RNF169: variants seen among roughly 807,000 people sequenced by gnomAD.
RNF169 encodes the protein E3 ubiquitin-protein ligase RNF169.
A neutral mutation model predicts 53.9 loss-of-function variants in RNF169; 24 were observed. The observed-to-expected ratio is 0.45, with a 90% confidence interval of 0.32 to 0.63. The LOEUF is 0.63. Ranked by LOEUF, RNF169 falls within the 20% of genes least tolerant of loss-of-function variation. RNF169 has a pLI of 0.04. For synonymous variants in RNF169, 396 were observed against 363.5 expected, an observed-to-expected ratio of 1.09 and a Z score of -1.02; for missense variants, 883 against 906.2, an observed-to-expected ratio of 0.97 and a Z score of 0.33.
At chr11:74,765,262 CAT>C (rs1195573674) in intron 1 of RNF169, among the ~76,000 whole-genome samples, 1 of 152,176 alleles carries the variant, frequency 6.6e-6, no homozygotes, top group Non-Finnish European at 1.5e-5. Flanking sequence ...GATCTCTACA[CAT>C]ATGTAGAACC....
chr11:74,788,525 T>TG (rs1157212155), intron 1 of RNF169, among the ~76,000 whole-genome samples: 2 of 152,150 alleles, frequency 1.3e-5, no homozygotes, highest in Admixed American at 6.5e-5. Context: ...CTCGGGTAGC[T>TG]GGGATTACAG....
intron 2 of RNF169, among the ~76,000 whole-genome samples, chr11:74,807,465 C>G (rs974813324): frequency 2.0e-5 from 3 of 152,192 alleles, no homozygotes; most frequent in Admixed American, 6.5e-5. Context: ...CATAAACCTT[C>G]TCAGACTGCC....
chr11:74,749,336 G>C lies in RNF169; in HGVS notation c.456G>C (p.Ala152=), dbSNP rs1292354053. ...GCCGGGACGGGGGCGCGGCTGCCGC[G>C]GGGCCCAGGCCAGAGCAGGAGCCGC... The part of the protein sequence containing the change: ...RPRRDGGAAA[A]GPRPEQEPRA... The change falls in exon 1 of 6, where the codon GCG becomes GCC. Residue 152 remains alanine (A), a synonymous_variant. Coordinates refer to ENST00000299563, the MANE Select transcript of RNF169 (RefSeq NM_001098638.2). 2 of 1,214,066 alleles carry C rather than the reference G, an allele frequency of 1.6e-6. No individual in the cohort carries two copies. Among genetic ancestry groups the C allele is most frequent in the East Asian group, 3.3e-5 (1 of 30,272 alleles). The allele number at this position is 1,214,066 out of a possible 1,614,324, so 75.2% of individuals were successfully genotyped here.
intron 1 of RNF169, among the ~76,000 whole-genome samples, chr11:74,757,808 G>T (rs1343224908): frequency 1.6e-5 from 1 of 64,050 alleles, no homozygotes; most frequent in Non-Finnish European, 2.7e-5. Flanking sequence ...TTTGAGAAGT[G>T]TCTGTTCATA....
Position 74,838,219 on chromosome 11 carries a change from A to C in RNF169, c.*1489A>C, listed in dbSNP as rs1357342293. The C allele has an allele frequency of 6.6e-6, 1 of 152,218 alleles. No homozygotes were observed. 9.4% of individuals were successfully genotyped at this position (152,218 alleles called of 1,614,324 possible). ...CCTCCTAAGGTCCTCCTCAGCTTCT[A>C]GACCTAGAAGCCAAAGTCCAGAACA... On this transcript the variant is annotated 3_prime_UTR_variant, in exon 6 of 6. Coordinates refer to ENST00000299563, the MANE Select transcript of RNF169 (RefSeq NM_001098638.2).
rs1360721433 is a variant in RNF169 at position 74,839,656 on chromosome 11, G to A, written c.*2926G>A. Reference sequence around the variant, plus strand: ...TTTATTATTAAAGGGGAAGTTAGGGGGGAGGGTGAAGGTCAGTCTGAGGGG... The same window carrying A: ...TTTATTATTAAAGGGGAAGTTAGGGAGGAGGGTGAAGGTCAGTCTGAGGGG... On this transcript the variant is annotated 3_prime_UTR_variant, in exon 6 of 6. Transcript: ENST00000299563. The A allele has an allele frequency of 1.3e-5, 2 of 152,184 alleles. No individual in the cohort carries two copies. The highest frequency in any genetic ancestry group is 4.8e-5 in the African/African-American group (2 of 41,432). 9.4% of individuals were successfully genotyped at this position (152,184 alleles called of 1,614,324 possible).
rs1315854009 is a variant in RNF169, at chr11:74,834,771, C to T, written c.938C>T (p.Ala313Val). 6.2e-7 allele frequency: 1 copy of T among 1,612,186 alleles called. No individual in the cohort carries two copies. Among genetic ancestry groups the T allele is most frequent in the Non-Finnish European group, 8.5e-7 (1 of 1,178,684 alleles). Residue 313 changes from alanine to valine, a missense_variant, in exon 5 of 6, where the codon GCC becomes GTC. Physicochemically the swap from Ala to Val is moderately conservative, Grantham distance 64. Transcript: ENST00000299563. ...GTCAGAGCAGTTCCAGGCAACAAAGCCAAGGTACACCTCAGCCACAGACCT... is the reference window on the plus strand; with the variant it reads ...GTCAGAGCAGTTCCAGGCAACAAAGTCAAGGTACACCTCAGCCACAGACCT... Reference protein sequence around the residue: ...SRVRAVPGNKAKVTTMTPASN... With the variant: ...SRVRAVPGNKVKVTTMTPASN...
chr11:74,807,800 T>C (rs1351860609), intron 2 of RNF169: 1 of 151,576 alleles, frequency 6.6e-6, no homozygotes, highest in East Asian at 1.9e-4. Flanking sequence ...TTAGTCTTTT[T>C]CAGTATAAAA....
At chr11:74,822,553 T>G (rs2036028531) in intron 4 of RNF169, among the ~76,000 whole-genome samples, 1 of 152,132 alleles carries the variant, frequency 6.6e-6, no homozygotes, top group South Asian at 2.1e-4. Flanking sequence ...TATGGCAGAG[T>G]AGAGTAAGTT....
rs913724791 is a variant in RNF169 at position 74,807,258 on chromosome 11, G to T, written c.577-2926G>T. Among the ~76,000 whole-genome samples the T allele has an allele frequency of 1.1e-3, 171 of 152,212 alleles. 1 individual carries two copies. The highest frequency in any genetic ancestry group is 3.9e-3 in the African/African-American group (164 of 41,532). ...TGTGGAGTATTTAACACTCCATGGG[G>T]CACACTTTGGTCAATGGGATGTGGG... On this transcript the variant is annotated intron_variant, in intron 2 of 5. Coordinates refer to ENST00000299563, the MANE Select transcript of RNF169 (RefSeq NM_001098638.2).
At position 74,841,727 on chromosome 11, in the gene RNF169, T is replaced by C. The variant is rs909659002; in HGVS notation, c.*4997T>C. ...GCAAAGCAAGGTTTGTTCATCTTCCTTTCCTGTCATTTAAGGTAAAACAGG... is the reference window on the plus strand; with the variant it reads ...GCAAAGCAAGGTTTGTTCATCTTCCCTTCCTGTCATTTAAGGTAAAACAGG... On this transcript the variant is annotated 3_prime_UTR_variant, in exon 6 of 6. Transcript: ENST00000299563. 2.0e-5 allele frequency: 3 copies of C among 152,226 alleles called. No homozygotes were observed. Among genetic ancestry groups the C allele is most frequent in the Non-Finnish European group, 4.4e-5 (3 of 68,032 alleles). The allele number at this position is 152,226 out of a possible 1,614,324, so 9.4% of individuals were successfully genotyped here. A position where few individuals can be genotyped will look rare whatever the true frequency, so the allele number is the denominator to read the frequency against.
At chr11:74,805,210 G>A (rs951033953) in intron 2 of RNF169, among the ~76,000 whole-genome samples, 3 of 152,228 alleles carry the variant, frequency 2.0e-5, no homozygotes, top group Non-Finnish European at 2.9e-5. Flanking sequence ...ATAAAGGAGT[G>A]TCTTATTAGT....
chr11:74,775,716 A>G (rs1481654288), intron 1 of RNF169, among the ~76,000 whole-genome samples: 2 of 152,160 alleles, frequency 1.3e-5, no homozygotes, highest in Non-Finnish European at 2.9e-5. Context: ...GTGCTCGGTA[A>G]AATGTTTTCT....
At position 74,748,902 on chromosome 11, in the gene RNF169, A is replaced by G; in HGVS notation, c.22A>G (p.Thr8Ala). The G allele has an allele frequency of 6.9e-7, 1 of 1,443,756 alleles. No individual in the cohort carries two copies. The highest frequency in any genetic ancestry group is 2.5e-5 in the Admixed American group (1 of 40,748). The allele number at this position is 1,443,756 out of a possible 1,614,324, so 89.4% of individuals were successfully genotyped here. A position where few individuals can be genotyped will look rare whatever the true frequency, so the allele number is the denominator to read the frequency against. The stretch of plus-strand genomic sequence containing the variant: ...CAAGATGGCGGCTGCAGGTCCGAGT[A>G]CTCGGGCCTCTTCCGCGGCGGCAGC... MAAAGPSTRASSAAAAAA... is the reference protein window; with the variant it reads MAAAGPSARASSAAAAAA... The change falls in exon 1 of 6, where the codon ACT becomes GCT. Residue 8 changes from threonine to alanine, a missense_variant. By Grantham distance (58) the Thr-to-Ala change is moderately conservative (BLOSUM62 0). Transcript: ENST00000299563.
At position 74,817,655 on chromosome 11, in the gene RNF169, G is replaced by C; in HGVS notation, c.783G>C (p.Gln261His). The change falls in exon 4 of 6, where the codon CAG (glutamine) becomes CAC (histidine). Residue 261 changes from glutamine to histidine, a missense_variant. Transcript: ENST00000299563. Reference sequence around the variant, plus strand: ...AACCTTCTCGAGGCCAGATGACACAGACACATCGCTCGGCATTTGTTTCCA... The same window carrying C: ...AACCTTCTCGAGGCCAGATGACACACACACATCGCTCGGCATTTGTTTCCA... ...NEEPSRGQMTQTHRSAFVSKN... is the reference protein window; with the variant it reads ...NEEPSRGQMTHTHRSAFVSKN... The C allele has an allele frequency of 1.2e-6, 2 of 1,614,120 alleles. No homozygotes were observed. Among genetic ancestry groups the C allele is most frequent in the East Asian group, 4.5e-5 (2 of 44,884 alleles).
intron 2 of RNF169, among the ~76,000 whole-genome samples, chr11:74,799,169 A>G (rs1002886588): frequency 6.7e-6 from 1 of 150,248 alleles, no homozygotes; most frequent in Non-Finnish European, 1.5e-5. Context: ...CACTTTTAGC[A>G]TGTGCTAGCA....
intron 3 of RNF169, among the ~76,000 whole-genome samples, chr11:74,816,894 A>C (rs542980892): frequency 5.3e-4 from 81 of 152,286 alleles, no homozygotes; most frequent in African/African-American, 1.9e-3. Flanking sequence ...GCCGTTAAGC[A>C]GGGGAGTGAT....
intron 4 of RNF169, among the ~76,000 whole-genome samples, chr11:74,832,791 G>A (rs1300986049): frequency 6.6e-6 from 1 of 151,948 alleles, no homozygotes; most frequent in Non-Finnish European, 1.5e-5. Flanking sequence ...TCTAACCCAA[G>A]GTATATATTA....
intron 1 of RNF169, among the ~76,000 whole-genome samples, chr11:74,773,844 T>C (rs960809038): frequency 5.3e-5 from 8 of 152,196 alleles, no homozygotes; most frequent in Non-Finnish European, 1.2e-4. Flanking sequence ...GGAGCTATTT[T>C]GCAGAGTTGT....
Sources: allele counts gnomAD v4.1 joint callset (sites outside exome capture counted in the v4.1 genomes callset), GRCh38; gene constraint gnomAD v4.1.1; transcripts MANE v1.5; gene names NCBI Gene and HGNC (gene_info 2026-07-23, HGNC 2026-07-21).